The following KIAA0825 variants were observed in gnomAD, a reference collection of about 807,000 sequenced individuals.
The protein encoded by KIAA0825 is KIAA0825, also known as uncharacterized protein KIAA0825.
KIAA0825 carries 119 observed loss-of-function variants against 147.6 expected under a neutral mutation model. That is an observed-to-expected ratio of 0.81 (90% CI 0.69 to 0.94). The LOEUF is 0.94. Among genes scored for constraint, KIAA0825 ranks in the 40% least tolerant of loss-of-function variants. The probability of loss-of-function intolerance (pLI) is 0.00; values close to 1 mark genes in which losing one functional copy is unlikely to be tolerated. For synonymous variants in KIAA0825, 470 were observed against 518.1 expected (o/e 0.91, Z 1.26); for missense variants, 1,381 against 1,472.7 (o/e 0.94, Z 1.02).
chr5:94,555,617 G>T (rs1006390554), intron 2 of KIAA0825, among the ~76,000 whole-genome samples: 3 of 152,288 alleles, frequency 2.0e-5, no homozygotes, highest in African/African-American at 7.2e-5. Context: ...CAAGCAAACA[G>T]AATTAATTGT....
At position 94,151,438 on chromosome 5, in the gene KIAA0825, A is replaced by C. The variant is rs907988793; in HGVS notation, c.*2569T>G. ...GACTCCGTCTCAAAAAAAAAAAAAA[A>C]AAAAAAAAAAAAACATATTGAGTAT... On this transcript the variant is annotated 3_prime_UTR_variant, in exon 21 of 21. Transcript: ENST00000682413. Among the ~76,000 whole-genome samples the C allele has an allele frequency of 2.0e-5, 3 of 151,064 alleles. No individual in the cohort carries two copies. Among genetic ancestry groups the C allele is most frequent in the Non-Finnish European group, 3.0e-5 (2 of 67,612 alleles).
At chr5:94,497,390 A>G (rs759672326) in intron 5 of KIAA0825, among the ~76,000 whole-genome samples, 2 of 152,232 alleles carry the variant, frequency 1.3e-5, no homozygotes, top group Non-Finnish European at 2.9e-5. Context: ...TGTTAATGAC[A>G]GAAAATAATT....
chr5:94,222,106 A>G (rs1309124312), intron 20 of KIAA0825, among the ~76,000 whole-genome samples: 4 of 152,158 alleles, frequency 2.6e-5, no homozygotes, highest in African/African-American at 9.7e-5. Flanking sequence ...GTTGAAAGGA[A>G]CCTTAAAAAT....
chr5:94,160,402 TATATGTATACAGTATAC>T (rs1422479000), intron 20 of KIAA0825, among the ~76,000 whole-genome samples: 2 of 150,332 alleles, frequency 1.3e-5, no homozygotes, highest in African/African-American at 2.4e-5. Flanking sequence ...AATACAGTAA[TATATGTATACAGTATAC>T]ATATGTATAC....
intron 20 of KIAA0825, among the ~76,000 whole-genome samples, chr5:94,249,386 C>T (rs1583960529): frequency 6.6e-6 from 1 of 152,030 alleles, no homozygotes. Flanking sequence ...CCCTTCCACC[C>T]CACTATATTC....
chr5:94,546,573 A>G (rs1042730992), intron 2 of KIAA0825, among the ~76,000 whole-genome samples: 2 of 151,958 alleles, frequency 1.3e-5, no homozygotes, highest in Non-Finnish European at 2.9e-5. Flanking sequence ...GTAAGGGAGG[A>G]GAACATGAGT....
intron 20 of KIAA0825, among the ~76,000 whole-genome samples, chr5:94,183,873 T>C (rs1478449315): frequency 6.6e-6 from 1 of 152,240 alleles, no homozygotes; most frequent in Non-Finnish European, 1.5e-5. Flanking sequence ...TAATAAACAA[T>C]AAACTTAAGT....
At chr5:94,478,120 G>A (rs1398077795) in intron 6 of KIAA0825, among the ~76,000 whole-genome samples, 2 of 152,120 alleles carry the variant, frequency 1.3e-5, no homozygotes, top group Non-Finnish European at 2.9e-5. Context: ...CAGTAGATGC[G>A]TGTTTTCTTT....
chr5:94,339,192 G>A (rs113106107), intron 20 of KIAA0825, among the ~76,000 whole-genome samples: 1,750 of 152,080 alleles, frequency 0.012, 16 homozygotes, highest in Non-Finnish European at 0.016. Flanking sequence ...TCATCTTCTG[G>A]GGAAAGCTAG....
chr5:94,311,869 A>C (rs1008388698), intron 20 of KIAA0825, among the ~76,000 whole-genome samples: 2 of 151,618 alleles, frequency 1.3e-5, no homozygotes, highest in Non-Finnish European at 3.0e-5. Flanking sequence ...CTTTGGGGGA[A>C]ATGAAGTTTC....
chr5:94,524,049 G>A lies in KIAA0825; in HGVS notation c.181C>T (p.Pro61Ser). 6.2e-7 allele frequency: 1 copy of A among 1,609,462 alleles called. No homozygotes were observed. The highest frequency in any genetic ancestry group is 1.7e-4 in the Middle Eastern group (1 of 6,048). ...EIQSEINKQCPGVQLQTTTDC... is the reference protein window; with the variant it reads ...EIQSEINKQCSGVQLQTTTDC... ...GTTGTTGTTTGCAGCTGCACACCTG[G>A]ACATTGTTTGTTAATTTCGGACTGT... is the stretch of plus-strand genomic sequence containing the variant. The change falls in exon 4 of 21, where the codon CCA becomes TCA. Residue 61 changes from proline to serine, a missense_variant. Coordinates refer to ENST00000682413, the MANE Select transcript of KIAA0825 (RefSeq NM_001145678.3).
At chr5:94,409,298 G>C (rs1442106703) in intron 15 of KIAA0825, among the ~76,000 whole-genome samples, 1 of 152,162 alleles carries the variant, frequency 6.6e-6, no homozygotes, top group Non-Finnish European at 1.5e-5. Flanking sequence ...ATGAAAGCTA[G>C]AAAATAGGGA....
intron 2 of KIAA0825, among the ~76,000 whole-genome samples, chr5:94,557,493 A>T (rs1378804621): frequency 6.6e-6 from 1 of 151,874 alleles, no homozygotes; most frequent in Admixed American, 6.6e-5. Flanking sequence ...AACCCTAGTC[A>T]TAATGGATTT....
chr5:94,508,753 C>G (rs1766086472), intron 5 of KIAA0825, among the ~76,000 whole-genome samples: 1 of 152,162 alleles, frequency 6.6e-6, no homozygotes, highest in East Asian at 1.9e-4. Context: ...ACTTCATTTC[C>G]TATGTGCTCT....
intron 5 of KIAA0825, among the ~76,000 whole-genome samples, chr5:94,516,607 C>T (rs1767287245): frequency 6.9e-6 from 1 of 145,886 alleles, no homozygotes; most frequent in African/African-American, 2.5e-5. Flanking sequence ...ATCGAGACCA[C>T]GGTGAAACCC....
intron 20 of KIAA0825, among the ~76,000 whole-genome samples, chr5:94,347,697 G>A (rs546713557): frequency 6.6e-6 from 1 of 152,202 alleles, no homozygotes; most frequent in Non-Finnish European, 1.5e-5. Context: ...CTATCCAAAT[G>A]AGAAAACCAA....
chr5:94,279,506 A>C (rs750077625), intron 20 of KIAA0825, among the ~76,000 whole-genome samples: 1 of 152,070 alleles, frequency 6.6e-6, no homozygotes, highest in Non-Finnish European at 1.5e-5. Flanking sequence ...TTAGATCTTA[A>C]AAATCAGGGT....
chr5:94,386,183 T>C (rs1749113841), intron 19 of KIAA0825, 59 bp downstream of exon 19: 1 of 1,470,980 alleles, frequency 6.8e-7, no homozygotes, highest in African/African-American at 1.4e-5. Context: ...CAAAGCAATT[T>C]TTTCTTACTT....
intron 1 of KIAA0825, among the ~76,000 whole-genome samples, chr5:94,616,388 C>T (rs1246507606): frequency 2.0e-5 from 3 of 151,856 alleles, no homozygotes; most frequent in African/African-American, 7.3e-5. Flanking sequence ...TTTAATAAAG[C>T]ATATTCCTGA....
Sources: allele counts gnomAD v4.1 joint callset (sites outside exome capture counted in the v4.1 genomes callset), GRCh38; gene constraint gnomAD v4.1.1; transcripts MANE v1.5; gene names NCBI Gene and HGNC (gene_info 2026-07-23, HGNC 2026-07-21).